Variants in DNAJC13 observed in about 807,000 individuals in gnomAD.
DNAJC13 encodes DnaJ heat shock protein family (Hsp40) member C13, also known as dnaJ homolog subfamily C member 13.
In DNAJC13, 75 loss-of-function variants were observed where a neutral mutation model predicts 290.5. The ratio of observed to expected loss-of-function variants is 0.26; its 90% CI spans 0.21 to 0.31. The LOEUF is 0.31. Among genes scored for constraint, DNAJC13 ranks in the 10% least tolerant of loss-of-function variants. The pLI, the probability that DNAJC13 is intolerant of heterozygous loss-of-function variation, is 1.00. For synonymous variants in DNAJC13, 862 were observed against 892.0 expected (o/e 0.97, Z 0.60); for missense variants, 2,260 against 2,674.5 (o/e 0.85, Z 3.42).
intron 55 of DNAJC13, among the ~76,000 whole-genome samples, chr3:132,535,194 G>C (rs1032979242): frequency 6.6e-6 from 1 of 152,170 alleles, no homozygotes; most frequent in Non-Finnish European, 1.5e-5. Flanking sequence ...CTACTTCAAA[G>C]TAAGATAAAA....
intron 14 of DNAJC13, among the ~76,000 whole-genome samples, chr3:132,460,717 A>AG (rs1262075379): frequency 6.6e-6 from 1 of 152,196 alleles, no homozygotes; most frequent in Non-Finnish European, 1.5e-5. Flanking sequence ...AGCATCTTGA[A>AG]GGAACATAAG....
At chr3:132,509,472 T>C (rs1322789672) in intron 43 of DNAJC13, among the ~76,000 whole-genome samples, 1 of 152,236 alleles carries the variant, frequency 6.6e-6, no homozygotes, top group East Asian at 1.9e-4. Context: ...CTGTGAACAT[T>C]GTTAAAATGA....
intron 43 of DNAJC13, among the ~76,000 whole-genome samples, chr3:132,509,814 T>G (rs1342702185): frequency 6.6e-6 from 1 of 152,252 alleles, no homozygotes. Context: ...CACGTAGTTT[T>G]TTTTAGACAT....
intron 1 of DNAJC13, among the ~76,000 whole-genome samples, chr3:132,432,533 A>G (rs1576456484): frequency 6.6e-6 from 1 of 152,246 alleles, no homozygotes; most frequent in East Asian, 1.9e-4. Flanking sequence ...GTGCATTTCT[A>G]ACTATTAAGG....
In DNAJC13 at chr3:132,425,020, A is replaced by G. The variant is rs962491885; in HGVS notation, c.-14+7260A>G. Among the ~76,000 whole-genome samples the G allele has an allele frequency of 2.0e-5, 3 of 152,232 alleles. No individual in the cohort carries two copies. In the East Asian group the frequency reaches 5.8e-4, roughly 29 times the overall value. On this transcript the variant is annotated intron_variant, in intron 1 of 55. Coordinates refer to ENST00000260818, the MANE Select transcript of DNAJC13 (RefSeq NM_015268.4). ...GTTGTAGCTATTTAATCTGGGTAAA[A>G]ATGAACATTCTGTTAGCCATTCATA...
chr3:132,468,762 C>G (rs1450719175), intron 20 of DNAJC13, among the ~76,000 whole-genome samples: 1 of 152,068 alleles, frequency 6.6e-6, no homozygotes, highest in Non-Finnish European at 1.5e-5. Flanking sequence ...AGCATTTGAA[C>G]AGTTGAAAAA....
chr3:132,492,233 G>A (rs1464242606), intron 32 of DNAJC13, among the ~76,000 whole-genome samples, 181 bp from the exon 33 acceptor site: 1 of 152,002 alleles, frequency 6.6e-6, no homozygotes, highest in Non-Finnish European at 1.5e-5. Context: ...TCATAGATAA[G>A]TTTTTTCCAT....
chr3:132,437,438 C>T (rs926204318), intron 2 of DNAJC13, among the ~76,000 whole-genome samples: 1 of 152,138 alleles, frequency 6.6e-6, no homozygotes, highest in Non-Finnish European at 1.5e-5. Context: ...CAAAGATTTA[C>T]TTCTTTGTTT....
chr3:132,425,068 CAAACT>C (rs1283751671), intron 1 of DNAJC13, among the ~76,000 whole-genome samples: 1 of 152,006 alleles, frequency 6.6e-6, no homozygotes, highest in Non-Finnish European at 1.5e-5. Flanking sequence ...TGTTTGAAAC[CAAACT>C]AATCTAGTGC....
At position 132,516,457 on chromosome 3, in the gene DNAJC13, A is replaced by T; in HGVS notation, c.5521A>T (p.Thr1841Ser). 1 of 1,613,862 alleles carries T rather than the reference A, an allele frequency of 6.2e-7. No individual in the cohort carries two copies. Among genetic ancestry groups the T allele is most frequent in the Non-Finnish European group, 8.5e-7 (1 of 1,179,790 alleles). ...TGTTCTGGAAACTCTTTATGCTTTGACATCGAGTACAAAAATAATCAAAGA... is the reference window on the plus strand; with the variant it reads ...TGTTCTGGAAACTCTTTATGCTTTGTCATCGAGTACAAAAATAATCAAAGA... ...QLVLETLYAL[T>S]SSTKIIKEAM... Residue 1841 changes from threonine to serine, a missense_variant, in exon 47 of 56, where the codon ACA becomes TCA. Physicochemically the swap from Thr to Ser is moderately conservative, Grantham distance 58. Transcript: ENST00000260818.
intron 21 of DNAJC13, 116 bp from the exon 22 acceptor site, chr3:132,474,813 TTCC>T (rs1559886114): frequency 6.5e-6 from 1 of 154,732 alleles, no homozygotes; most frequent in Non-Finnish European, 1.1e-5. Context: ...CTAAAATCTA[TTCC>T]CCCCCCCCCC....
chr3:132,516,700 A>T lies in DNAJC13; in HGVS notation c.5561-4A>T. The T allele has an allele frequency of 6.2e-7, 1 of 1,606,868 alleles. No homozygotes were observed. Among genetic ancestry groups the T allele is most frequent in the Non-Finnish European group, 8.5e-7 (1 of 1,177,812 alleles). Reference sequence around the variant, plus strand: ...TAAGCACTAATTATCTTTTTCCTTCATAGGTGCTTTGATCTATTTACTGGA... The same window carrying T: ...TAAGCACTAATTATCTTTTTCCTTCTTAGGTGCTTTGATCTATTTACTGGA... On this transcript the variant is annotated splice_region_variant and splice_polypyrimidine_tract_variant and intron_variant, in intron 47 of 55. Transcript: ENST00000260818.
chr3:132,427,590 G>C (rs9828393), intron 1 of DNAJC13, among the ~76,000 whole-genome samples: 77,880 of 152,044 alleles, frequency 0.51, 22,699 homozygotes, highest in African/African-American at 0.81. Flanking sequence ...TTAAGTAAAA[G>C]TGAATGCTGA....
At chr3:132,455,688 G>A (rs902570796) in intron 9 of DNAJC13, among the ~76,000 whole-genome samples, 1 of 152,212 alleles carries the variant, frequency 6.6e-6, no homozygotes, top group African/African-American at 2.4e-5. Flanking sequence ...CAACTTGGAT[G>A]AATCTCAAAA....
chr3:132,450,544 C>T, intron 5 of DNAJC13, 103 bp from the exon 6 acceptor site: 2 of 716,624 alleles, frequency 2.8e-6, no homozygotes, highest in South Asian at 2.2e-5. Context: ...TTTACGATGA[C>T]AGTTAGATTT....
intron 48 of DNAJC13, among the ~76,000 whole-genome samples, chr3:132,518,718 C>T (rs1392105049): frequency 1.3e-5 from 2 of 152,080 alleles, no homozygotes; most frequent in African/African-American, 2.4e-5. Context: ...ACATACCATA[C>T]AGTTCACACA....
At position 132,491,136 on chromosome 3, in the gene DNAJC13, A is replaced by G; in HGVS notation, c.3623+85A>G. On this transcript the variant is annotated intron_variant, in intron 32 of 55. Transcript: ENST00000260818. Reference sequence around the variant, plus strand: ...TCTGCTTTGACTTCTGTTAAAAGAAATGTTTTCACTAGGTTTATAATCTAA... The same window carrying G: ...TCTGCTTTGACTTCTGTTAAAAGAAGTGTTTTCACTAGGTTTATAATCTAA... The G allele has an allele frequency of 2.6e-6, 3 of 1,157,116 alleles. No individual in the cohort carries two copies. In the South Asian group the frequency reaches 5.2e-5, roughly 20 times the overall value. The allele number at this position is 1,157,116 out of a possible 1,614,324, so 71.7% of individuals were successfully genotyped here.
chr3:132,480,992 A>G (rs1257037552), intron 26 of DNAJC13, among the ~76,000 whole-genome samples: 1 of 152,216 alleles, frequency 6.6e-6, no homozygotes, highest in East Asian at 1.9e-4. Context: ...TATATGATGT[A>G]TTCTGTTATA....
In DNAJC13 at chr3:132,479,459, TC is replaced by T. The variant is rs559654104; in HGVS notation, c.2772+173del. ...TGGAGGGAGAGGTTTTTGTCAGTAT[TC>T]CCTGTATAGTCTGTCTTAATATTGT... On this transcript the variant is annotated intron_variant, in intron 25 of 55. Transcript: ENST00000260818. Among the ~76,000 whole-genome samples, 385 of 152,286 alleles carry T rather than the reference TC, an allele frequency of 2.5e-3. 3 individuals carry two copies. The highest frequency in any genetic ancestry group is 8.9e-3 in the African/African-American group (368 of 41,560).
Sources: allele counts gnomAD v4.1 joint callset (sites outside exome capture counted in the v4.1 genomes callset), GRCh38; gene constraint gnomAD v4.1.1; transcripts MANE v1.5; gene names NCBI Gene and HGNC (gene_info 2026-07-23, HGNC 2026-07-21).